UGT2B7: variants seen among roughly 807,000 people sequenced by gnomAD.
UGT2B7 encodes UDP glucuronosyltransferase family 2 member B7, also known as UDP-glucuronosyltransferase 2B7.
Under a neutral mutation model 51.9 loss-of-function variants are expected in UGT2B7, and 51 were observed. The ratio of observed to expected loss-of-function variants is 0.98; its 90% CI spans 0.78 to 1.24. The LOEUF (loss-of-function observed/expected upper bound fraction) is 1.24. Ranked by LOEUF, UGT2B7 falls within the 50% of genes most tolerant of loss-of-function variation. The pLI, the probability that UGT2B7 is intolerant of heterozygous loss-of-function variation, is 0.00. For synonymous variants in UGT2B7, 225 were observed against 211.6 expected, an observed-to-expected ratio of 1.06 and a Z score of -0.55; for missense variants, 727 against 628.4, an observed-to-expected ratio of 1.16 and a Z score of -1.68.
At chr4:69,092,962 GAAAA>G (rs57058697), upstream of UGT2B7, among the ~76,000 whole-genome samples, 8 of 131,528 alleles carry the variant, frequency 6.1e-5, no homozygotes, top group East Asian at 1.1e-3. Flanking sequence ...CCCCACCCCA[GAAAA>G]AAAAAAAAAA....
At chr4:69,058,841 C>T (rs1265193791) in intron 1 of UGT2B7, among the ~76,000 whole-genome samples, 1 of 152,044 alleles carries the variant, frequency 6.6e-6, no homozygotes, top group East Asian at 1.9e-4. Flanking sequence ...GGGAAGCTGG[C>T]TTTGCAAGGT....
chr4:69,056,623 A>C (rs1718207810), intron 1 of UGT2B7, among the ~76,000 whole-genome samples: 2 of 152,110 alleles, frequency 1.3e-5, no homozygotes, highest in African/African-American at 4.8e-5. Context: ...GGAAGATTTA[A>C]AACTCTTATA....
At chr4:69,077,209 C>T (rs1034114245) in intron 1 of UGT2B7, among the ~76,000 whole-genome samples, 16 of 151,974 alleles carry the variant, frequency 1.1e-4, no homozygotes, top group African/African-American at 3.9e-4. Flanking sequence ...TGAAGTCAGG[C>T]AGCATGATAC....
intron 1 of UGT2B7, among the ~76,000 whole-genome samples, chr4:69,063,094 C>T (rs1271003421): frequency 1.3e-5 from 2 of 151,474 alleles, no homozygotes; most frequent in East Asian, 2.0e-4. Context: ...CCGAGGCGGG[C>T]GGATCACGAG....
rs12233719 is a variant in UGT2B7 at position 69,096,731 on chromosome 4, G to A, written c.211G>A (p.Ala71Thr). The change falls in exon 1 of 6, where the codon GCT (alanine) becomes ACT (threonine). Residue 71 changes from alanine (A) to threonine (T), a missense_variant. By Grantham distance (58) the Ala-to-Thr change is moderately conservative. Transcript: ENST00000305231. ...TCTTTTTGATCCCAACAACTCATCC[G>A]CTCTTAAAATTGAAATTTATCCCAC... The part of the protein sequence containing the change: ...SILFDPNNSS[A>T]LKIEIYPTSL... The A allele has an allele frequency of 1.5e-5, 25 of 1,613,918 alleles. No homozygotes were observed. In the South Asian group the frequency reaches 1.8e-4, roughly 11 times the overall value.
At chr4:69,102,694 C>A in intron 2 of UGT2B7, 113 bp from the exon 3 acceptor site, 1 of 1,477,802 alleles carries the variant, frequency 6.8e-7, no homozygotes, top group African/African-American at 1.4e-5. Flanking sequence ...TTATTTACTC[C>A]AATAATTCCT....
chr4:69,093,823 T>C (rs1206258498), upstream of UGT2B7, among the ~76,000 whole-genome samples: 1 of 152,172 alleles, frequency 6.6e-6, no homozygotes, highest in Non-Finnish European at 1.5e-5. Context: ...CTGCCTTACT[T>C]TTCTTCATTC....
At chr4:69,100,700 T>C (rs12512526) in intron 2 of UGT2B7, among the ~76,000 whole-genome samples, 87,570 of 151,818 alleles carry the variant, frequency 0.58, 26,266 homozygotes, top group African/African-American at 0.71. Flanking sequence ...GGATGACTAG[T>C]ACTAAAATAG....
At chr4:69,101,774 A>T (rs1463510179) in intron 2 of UGT2B7, among the ~76,000 whole-genome samples, 1 of 152,192 alleles carries the variant, frequency 6.6e-6, no homozygotes, top group Non-Finnish European at 1.5e-5. Flanking sequence ...AAATTTAAAC[A>T]TCGGCATATA....
chr4:69,057,566 G>C (rs1427079110), intron 1 of UGT2B7, among the ~76,000 whole-genome samples: 2 of 152,120 alleles, frequency 1.3e-5, no homozygotes, highest in Non-Finnish European at 2.9e-5. Flanking sequence ...GATCTCAAAG[G>C]GATATTTGCA....
At chr4:69,111,740 T>C (rs112830429) in intron 5 of UGT2B7, among the ~76,000 whole-genome samples, 1 of 152,174 alleles carries the variant, frequency 6.6e-6, no homozygotes, top group South Asian at 2.1e-4. Flanking sequence ...AAAAATGCCT[T>C]ATATTTTCTC....
chr4:69,070,886 G>C (rs1718586793), intron 1 of UGT2B7, among the ~76,000 whole-genome samples: 1 of 152,064 alleles, frequency 6.6e-6, no homozygotes, highest in African/African-American at 2.4e-5. Context: ...ATGTTAAATA[G>C]ATGTTTCCAA....
chr4:69,064,112 A>AAGAAAGAAAGAGAGAGAGAGAGAGAAAG, intron 1 of UGT2B7, among the ~76,000 whole-genome samples: 1 of 86,848 alleles, frequency 1.2e-5, no homozygotes, highest in East Asian at 4.4e-4. Context: ...GAAAGAAAGA[A>AAGAAAGAAAGAGAGAGAGAGAGAGAAAG]AAAGAAAGAA....
intron 5 of UGT2B7, among the ~76,000 whole-genome samples, chr4:69,111,905 A>G (rs149440337): frequency 2.0e-5 from 3 of 152,358 alleles, no homozygotes; most frequent in African/African-American, 7.2e-5. Flanking sequence ...TTTATTTTGA[A>G]TTATTTGGCC....
chr4:69,096,805 G>C lies in UGT2B7; in HGVS notation c.285G>C (p.Lys95Asn). The C allele has an allele frequency of 6.2e-7, 1 of 1,613,950 alleles. No homozygotes were observed. The highest frequency in any genetic ancestry group is 2.2e-5 in the East Asian group (1 of 44,866). ...AGAATTTCATCATGCAACAGATTAA[G>C]AGATGGTCAGACCTTCCAAAAGATA... The part of the protein sequence containing the change: ...ELENFIMQQI[K>N]RWSDLPKDTF... Residue 95 changes from lysine to asparagine, a missense_variant, in exon 1 of 6, where the codon AAG becomes AAC. Transcript: ENST00000305231.
chr4:69,085,976 G>A (rs1264628127), intron 1 of UGT2B7, among the ~76,000 whole-genome samples: 1 of 151,142 alleles, frequency 6.6e-6, no homozygotes, highest in African/African-American at 2.4e-5. Flanking sequence ...TTGTCTTGTT[G>A]ATTTTTAAAT....
intron 2 of UGT2B7, 86 bp from the exon 3 acceptor site, chr4:69,102,721 C>T: frequency 6.5e-7 from 1 of 1,537,280 alleles, no homozygotes; most frequent in Admixed American, 2.2e-5. Context: ...ACTGGATTTT[C>T]TCTCTTTAGT....
At chr4:69,077,022 A>G (rs1374143599) in intron 1 of UGT2B7, among the ~76,000 whole-genome samples, 1 of 152,194 alleles carries the variant, frequency 6.6e-6, no homozygotes, top group African/African-American at 2.4e-5. Context: ...TCCCAGCACC[A>G]TTTATTAAAT....
At chr4:69,069,670 A>G (rs992942715) in intron 1 of UGT2B7, 2 of 151,960 alleles carry the variant, frequency 1.3e-5, no homozygotes, top group African/African-American at 2.4e-5. Flanking sequence ...GTAGTTATCA[A>G]TCATTTATTA....
Sources: allele counts gnomAD v4.1 joint callset (sites outside exome capture counted in the v4.1 genomes callset), GRCh38; gene constraint gnomAD v4.1.1; transcripts MANE v1.5; gene names NCBI Gene and HGNC (gene_info 2026-07-23, HGNC 2026-07-21).